Variants in MCM5 observed in about 807,000 individuals in gnomAD.
MCM5 encodes the protein minichromosome maintenance complex component 5.
Under a neutral mutation model 79.9 loss-of-function variants are expected in MCM5, and 46 were observed. The ratio of observed to expected loss-of-function variants is 0.58; its 90% CI spans 0.45 to 0.74. The LOEUF is 0.74. MCM5 is among the 30% of genes least tolerant of loss of function. MCM5 has a pLI of 0.00. For synonymous variants in MCM5, 404 were observed against 390.5 expected (o/e 1.03, Z -0.41); for missense variants, 883 against 1,017.0 (o/e 0.87, Z 1.79).
chr22:35,420,085 G>C (rs1932657118), intron 14 of MCM5, 73 bp downstream of exon 14: 1 of 1,514,642 alleles, frequency 6.6e-7, no homozygotes, highest in Non-Finnish European at 8.9e-7. Flanking sequence ...TTGGCAACCA[G>C]GGGCAGTGGT....
At chr22:35,413,827 G>A (rs765084306) in intron 8 of MCM5, 48 bp from the exon 9 acceptor site, 20 of 1,078,518 alleles carry the variant, frequency 1.9e-5, no homozygotes, top group South Asian at 1.2e-4. Flanking sequence ...TGTCACATGC[G>A]ATGCCCTCAT....
At position 35,416,902 on chromosome 22, in the gene MCM5, C is replaced by G. The variant is rs891676307; in HGVS notation, c.1590+88C>G. ...GGGAAGGAGAATGGAGAACAAGGGC[C>G]TTGGCTGGCAAAGTCCTGACTGTCA... On this transcript the variant is annotated intron_variant, in intron 12 of 16. Coordinates refer to ENST00000216122, the MANE Select transcript of MCM5 (RefSeq NM_006739.4). The G allele has an allele frequency of 7.5e-6, 11 of 1,471,326 alleles. No individual in the cohort carries two copies. The Admixed American group carries it at 1.8e-4, about 24-fold the overall frequency. 91.1% of individuals were successfully genotyped at this position (1,471,326 alleles called of 1,614,324 possible). A position where few individuals can be genotyped will look rare whatever the true frequency, so the allele number is the denominator to read the frequency against.
the MCM5 span, among the ~76,000 whole-genome samples, chr22:35,447,853 C>G: frequency 2.6e-5 from 4 of 152,190 alleles, no homozygotes; most frequent in Non-Finnish European, 5.9e-5. Context: ...CGGGCAGCAG[C>G]GTGCTCTTGT....
At chr22:35,426,892 G>C (rs990108798), downstream of MCM5, among the ~76,000 whole-genome samples, 2 of 152,186 alleles carry the variant, frequency 1.3e-5, no homozygotes, top group African/African-American at 2.4e-5. Flanking sequence ...CACTATGAGA[G>C]CCGCTCCACC....
chr22:35,444,549 C>T, the MCM5 span, among the ~76,000 whole-genome samples: 4 of 151,946 alleles, frequency 2.6e-5, no homozygotes, highest in African/African-American at 7.3e-5. Context: ...GCCTGTGACT[C>T]GTGGTTGAGA....
the MCM5 span, among the ~76,000 whole-genome samples, chr22:35,445,236 G>A: frequency 6.6e-6 from 1 of 151,874 alleles, no homozygotes; most frequent in Non-Finnish European, 1.5e-5. Context: ...AGCTGCTCCT[G>A]ACACGGACCC....
In MCM5 at chr22:35,412,637, GA is replaced by G; in HGVS notation, c.1049del (p.Lys350ArgfsTer29). ...CCTCCATCTTTGGGGGCACAGACAT[GA>G]AGAAGGCCATTGCCTGCCTGCTCTT... ...APSIFGGTDM[K>X]KAIACLLFGG... On this transcript the variant is annotated frameshift_variant, in exon 8 of 17. Transcript: ENST00000216122. LOFTEE classifies it high-confidence loss of function. 6.4e-7 allele frequency: 1 copy of G among 1,552,572 alleles called. No individual in the cohort carries two copies. The highest frequency in any genetic ancestry group is 8.7e-7 in the Non-Finnish European group (1 of 1,144,022).
At chr22:35,429,653 A>G (rs1932800107), downstream of MCM5, among the ~76,000 whole-genome samples, 1 of 151,590 alleles carries the variant, frequency 6.6e-6, no homozygotes, top group African/African-American at 2.4e-5. Flanking sequence ...CTCCTGCCCC[A>G]GGCTCCCGAG....
At chr22:35,402,781 TA>T (rs1194317347) in intron 2 of MCM5, among the ~76,000 whole-genome samples, 2 of 152,202 alleles carry the variant, frequency 1.3e-5, no homozygotes, top group Non-Finnish European at 2.9e-5. Context: ...TGGCCTCAAG[TA>T]ATCCACCCTC....
chr22:35,427,251 C>A (rs1932784227), downstream of MCM5, among the ~76,000 whole-genome samples: 1 of 152,206 alleles, frequency 6.6e-6, no homozygotes, highest in African/African-American at 2.4e-5. Context: ...ATTTAGGTTT[C>A]TCTTTATTGG....
intron 4 of MCM5, among the ~76,000 whole-genome samples, chr22:35,405,095 A>G (rs1932173174): frequency 7.1e-6 from 1 of 141,238 alleles, no homozygotes; most frequent in Non-Finnish European, 1.5e-5. Context: ...GCACGATCTC[A>G]GCTCACTGCA....
chr22:35,452,720 C>A, the MCM5 span, among the ~76,000 whole-genome samples: 1 of 152,252 alleles, frequency 6.6e-6, no homozygotes, highest in Admixed American at 6.5e-5. Context: ...AATAATCAGT[C>A]CGACTCCTCC....
At chr22:35,428,997 T>TC (rs1569073110), downstream of MCM5, among the ~76,000 whole-genome samples, 4 of 145,010 alleles carry the variant, frequency 2.8e-5, no homozygotes, top group Non-Finnish European at 4.5e-5. Context: ...TTTTTTTTTT[T>TC]CTTTTTTGAG....
At chr22:35,433,851 C>T in the MCM5 span, among the ~76,000 whole-genome samples, 1 of 152,330 alleles carries the variant, frequency 6.6e-6, no homozygotes, top group East Asian at 1.9e-4. Flanking sequence ...CCCTCAAGCC[C>T]TGTCGGGGGC....
intron 5 of MCM5, among the ~76,000 whole-genome samples, chr22:35,408,041 C>T (rs1932269042): frequency 6.6e-6 from 1 of 152,216 alleles, no homozygotes; most frequent in East Asian, 1.9e-4. Flanking sequence ...TAGAATCCCA[C>T]TGGAAAAGAT....
chr22:35,404,960 A>G (rs1932167619), intron 4 of MCM5, among the ~76,000 whole-genome samples: 1 of 152,140 alleles, frequency 6.6e-6, no homozygotes. Flanking sequence ...TATAAAGAGA[A>G]TCGTATAACG....
In MCM5 at chr22:35,400,224, GTGGGAC is replaced by G. The variant is rs970616779; in HGVS notation, c.-9+28_-9+33del. 4 of 585,494 alleles carry G rather than the reference GTGGGAC, an allele frequency of 6.8e-6. No individual in the cohort carries two copies. Among genetic ancestry groups the G allele is most frequent in the East Asian group, 2.9e-5 (1 of 34,570 alleles). The allele number at this position is 585,494 out of a possible 1,614,324, so 36.3% of individuals were successfully genotyped here. The stretch of plus-strand genomic sequence containing the variant: ...AAAACCAGAGGTGAGGCTAGTGGGA[GTGGGAC>G]TGGGACTGGGAGCCAGCAGGCATCT... On this transcript the variant is annotated intron_variant, in intron 1 of 16. Transcript: ENST00000216122.
chr22:35,407,380 AC>A (rs748438873), intron 5 of MCM5, among the ~76,000 whole-genome samples: 4 of 147,782 alleles, frequency 2.7e-5, no homozygotes, highest in East Asian at 2.0e-4. Context: ...TCCACCCTCC[AC>A]CCCCTCAGTC....
Position 35,416,730 on chromosome 22 carries a change from C to T in MCM5, c.1506C>T (p.Asp502=), listed in dbSNP as rs1211026892. ...FGRWDETKGE[D]NIDFMPTILS... ...GCTGGGATGAGACGAAGGGGGAGGA[C>T]AACATTGACTTCATGCCCACCATCT... Residue 502 remains aspartate (D), a synonymous_variant, in exon 12 of 17, where the codon GAC becomes GAT. Coordinates refer to ENST00000216122, the MANE Select transcript of MCM5 (RefSeq NM_006739.4). The T allele has an allele frequency of 1.2e-6, 2 of 1,614,000 alleles. No individual in the cohort carries two copies. Among genetic ancestry groups the T allele is most frequent in the East Asian group, 2.2e-5 (1 of 44,892 alleles).
Sources: gnomAD v4.1 joint callset for allele counts (sites outside exome capture counted in the v4.1 genomes callset) on GRCh38, gnomAD v4.1.1 for gene constraint, MANE v1.5 for transcripts, NCBI Gene and HGNC (gene_info 2026-07-23, HGNC 2026-07-21) for gene names.